Variants in PPM1E observed in about 807,000 individuals in gnomAD.
PPM1E encodes protein phosphatase, Mg2+/Mn2+ dependent 1E.
In PPM1E, 20 loss-of-function variants were observed where a neutral mutation model predicts 65.9. That is an observed-to-expected ratio of 0.30 (90% confidence interval 0.21 to 0.44). PPM1E has a LOEUF of 0.44. Ranked by LOEUF, PPM1E falls within the 20% of genes least tolerant of loss-of-function variation. The pLI, the probability that PPM1E is intolerant of heterozygous loss-of-function variation, is 1.00. For missense variants in PPM1E, 713 were observed against 953.1 expected (o/e 0.75, Z 3.32); for synonymous variants, 352 against 374.9 (o/e 0.94, Z 0.70).
chr17:58,913,943 A>G (rs1007597485), intron 1 of PPM1E, among the ~76,000 whole-genome samples: 10 of 152,210 alleles, frequency 6.6e-5, no homozygotes, highest in Non-Finnish European at 1.2e-4. Context: ...AGTTTTACAA[A>G]GGCAGTTTTG....
intron 1 of PPM1E, among the ~76,000 whole-genome samples, chr17:58,903,639 A>T (rs958397960): frequency 6.6e-6 from 1 of 152,192 alleles, no homozygotes; most frequent in Admixed American, 6.6e-5. Context: ...GCACACCCAC[A>T]GACATAAACG....
At chr17:58,892,654 A>G (rs2051362214) in intron 1 of PPM1E, among the ~76,000 whole-genome samples, 1 of 152,210 alleles carries the variant, frequency 6.6e-6, no homozygotes, top group African/African-American at 2.4e-5. Context: ...GAAACTGAGA[A>G]GGCAAGCTAC....
At chr17:58,790,006 T>C (rs898269451) in intron 1 of PPM1E, among the ~76,000 whole-genome samples, 2 of 152,276 alleles carry the variant, frequency 1.3e-5, no homozygotes, top group South Asian at 2.1e-4. Flanking sequence ...AAATTTTTAT[T>C]GAATAAATAA....
chr17:58,901,568 C>T (rs2143471492), intron 1 of PPM1E, among the ~76,000 whole-genome samples: 1 of 152,164 alleles, frequency 6.6e-6, no homozygotes, highest in South Asian at 2.1e-4. Context: ...GTCCCAACTA[C>T]TCGGGGGGCT....
chr17:58,769,219 A>G (rs2049911811), intron 1 of PPM1E, among the ~76,000 whole-genome samples: 3 of 152,160 alleles, frequency 2.0e-5, no homozygotes, highest in African/African-American at 4.8e-5. Flanking sequence ...TATTTTCTAT[A>G]TAATTTTAAT....
At chr17:58,823,020 T>C (rs1365321711) in intron 1 of PPM1E, among the ~76,000 whole-genome samples, 1 of 152,206 alleles carries the variant, frequency 6.6e-6, no homozygotes, top group Non-Finnish European at 1.5e-5. Flanking sequence ...ATTATTGCTC[T>C]TCTTGTTTGA....
intron 1 of PPM1E, among the ~76,000 whole-genome samples, chr17:58,778,927 C>CATATAT (rs59563297): frequency 0.068 from 7,041 of 103,210 alleles, 368 homozygotes; most frequent in Non-Finnish European, 0.093. Flanking sequence ...ATGATACATA[C>CATATAT]ATATATATAT....
intron 1 of PPM1E, among the ~76,000 whole-genome samples, chr17:58,801,697 T>G (rs1297190466): frequency 6.6e-6 from 1 of 151,968 alleles, no homozygotes; most frequent in African/African-American, 2.4e-5. Context: ...TGCCTCAACC[T>G]CCCAAAGTGT....
chr17:58,970,030 T>C (rs2030492666), intron 4 of PPM1E, among the ~76,000 whole-genome samples: 1 of 152,186 alleles, frequency 6.6e-6, no homozygotes, highest in South Asian at 2.1e-4. Flanking sequence ...CCTGTCAGGT[T>C]CACACCAGGA....
intron 1 of PPM1E, among the ~76,000 whole-genome samples, chr17:58,815,116 G>A (rs1031048817): frequency 1.4e-4 from 22 of 152,168 alleles, no homozygotes; most frequent in Non-Finnish European, 2.6e-4. Context: ...TTCTCAGTAG[G>A]GAAATAAAAA....
intron 1 of PPM1E, among the ~76,000 whole-genome samples, chr17:58,774,168 C>A (rs1043036020): frequency 4.0e-5 from 6 of 151,098 alleles, no homozygotes; most frequent in Admixed American, 1.3e-4. Context: ...GTCCCCCCCC[C>A]CCAAAAAAAA....
chr17:58,922,686 CTTT>C (rs35870575), intron 1 of PPM1E, among the ~76,000 whole-genome samples: 3 of 133,788 alleles, frequency 2.2e-5, no homozygotes, highest in Non-Finnish European at 3.2e-5. Flanking sequence ...TCTTGAAGTA[CTTT>C]TTTTTTTTTT....
At chr17:58,816,765 TATATATATATATATATATATATATATATA>T (rs1567842092) in intron 1 of PPM1E, among the ~76,000 whole-genome samples, 1,133 of 13,216 alleles carry the variant, frequency 0.086, 14 homozygotes, top group Non-Finnish European at 0.11. Context: ...TATATATATA[TATATATATATATATATATATATATATATA>T]TTTTTTTTTT....
At chr17:58,968,293 C>T (rs1020613606) in intron 3 of PPM1E, among the ~76,000 whole-genome samples, 4 of 152,094 alleles carry the variant, frequency 2.6e-5, no homozygotes, top group Non-Finnish European at 5.9e-5. Context: ...GGTGCAGTGG[C>T]TCTTGCCTGT....
intron 1 of PPM1E, among the ~76,000 whole-genome samples, chr17:58,829,112 A>C (rs982817631): frequency 6.6e-6 from 1 of 151,532 alleles, no homozygotes; most frequent in African/African-American, 2.4e-5. Context: ...GCGCAATCTC[A>C]GCTCACTGCA....
chr17:58,841,201 A>G (rs935971024), intron 1 of PPM1E, among the ~76,000 whole-genome samples: 2 of 152,246 alleles, frequency 1.3e-5, no homozygotes, highest in Non-Finnish European at 2.9e-5. Flanking sequence ...TCCATATGGA[A>G]TAATGCTAAT....
chr17:58,898,026 C>T (rs182357996), intron 1 of PPM1E, among the ~76,000 whole-genome samples: 4 of 151,916 alleles, frequency 2.6e-5, no homozygotes, highest in African/African-American at 4.8e-5. Context: ...TTTAGGAGGC[C>T]GAGGCAGGTG....
rs540256214 is a variant in PPM1E at position 58,902,455 on chromosome 17, T to A, written c.465-53194T>A. ...TGCTGGGGATCCCTCACCATTTTTTTAAAAAATAAAATACACCCATTAAGT... is the reference window on the plus strand; with the variant it reads ...TGCTGGGGATCCCTCACCATTTTTTAAAAAAATAAAATACACCCATTAAGT... On this transcript the variant is annotated intron_variant, in intron 1 of 6. Coordinates refer to ENST00000308249, the MANE Select transcript of PPM1E (RefSeq NM_014906.5). 8.5e-4 allele frequency among the ~76,000 whole-genome samples: 129 copies of A among 152,222 alleles called. 2 individuals are homozygous for A. Among genetic ancestry groups the A allele is most frequent in the Non-Finnish European group, 1.4e-3 (98 of 68,002 alleles).
chr17:58,808,924 C>T (rs2050340032), intron 1 of PPM1E, among the ~76,000 whole-genome samples: 1 of 152,036 alleles, frequency 6.6e-6, no homozygotes, highest in Admixed American at 6.6e-5. Context: ...CAAAATAGAA[C>T]AATGACTCTC....
Sources: gnomAD v4.1 joint callset for allele counts (sites outside exome capture counted in the v4.1 genomes callset) on GRCh38, gnomAD v4.1.1 for gene constraint, MANE v1.5 for transcripts, NCBI Gene and HGNC (gene_info 2026-07-23, HGNC 2026-07-21) for gene names.